The following GLI3 variants were observed in gnomAD, a reference collection of about 807,000 sequenced individuals.
GLI3 encodes the protein GLI family zinc finger 3, also known as transcription activator GLI3.
In GLI3, 20 loss-of-function variants were observed where a neutral mutation model predicts 100.8. The ratio of observed to expected loss-of-function variants is 0.20; its 90% CI spans 0.14 to 0.29. The LOEUF (loss-of-function observed/expected upper bound fraction) is 0.29, where lower values mean the gene tolerates loss of function less well. Among genes scored for constraint, GLI3 ranks in the 10% least tolerant of loss-of-function variants. The pLI, the probability that GLI3 is intolerant of heterozygous loss-of-function variation, is 1.00. For missense variants in GLI3, 2,040 were observed against 2,128.5 expected (o/e 0.96, Z 0.82); for synonymous variants, 938 against 860.5 (o/e 1.09, Z -1.58).
At chr7:42,071,956 G>A (rs1784791658) in intron 4 of GLI3, among the ~76,000 whole-genome samples, 1 of 152,060 alleles carries the variant, frequency 6.6e-6, no homozygotes, top group Non-Finnish European at 1.5e-5. Flanking sequence ...AGGCAGCCTT[G>A]GAAGGAGACA....
intron 1 of GLI3, among the ~76,000 whole-genome samples, chr7:42,236,078 G>A (rs1158827882): frequency 2.0e-5 from 3 of 152,094 alleles, no homozygotes; most frequent in African/African-American, 7.2e-5. Context: ...TGCAATGGGG[G>A]ACAGGAGCAC....
At chr7:42,153,377 G>A (rs980874351) in intron 2 of GLI3, among the ~76,000 whole-genome samples, 2 of 152,052 alleles carry the variant, frequency 1.3e-5, no homozygotes, top group East Asian at 1.9e-4. Context: ...GAACAATTGC[G>A]GGTATAAAAT....
chr7:42,227,101 A>C (rs1173055234), intron 1 of GLI3, among the ~76,000 whole-genome samples: 4 of 152,248 alleles, frequency 2.6e-5, no homozygotes, highest in Admixed American at 1.3e-4. Flanking sequence ...TTCACTTCAA[A>C]GACTTTTCCC....
At chr7:42,006,730 T>C (rs911974382) in intron 10 of GLI3, among the ~76,000 whole-genome samples, 1 of 152,104 alleles carries the variant, frequency 6.6e-6, no homozygotes, top group Non-Finnish European at 1.5e-5. Flanking sequence ...CCCAGCCAGG[T>C]AGAGCCCAAG....
chr7:42,013,133 T>G (rs548468196), intron 10 of GLI3, among the ~76,000 whole-genome samples: 4 of 152,322 alleles, frequency 2.6e-5, no homozygotes, highest in African/African-American at 9.6e-5. Context: ...AGAAAGACAT[T>G]TTCATTCCTG....
intron 6 of GLI3, among the ~76,000 whole-genome samples, chr7:42,044,925 T>TC (rs2128740925): frequency 1.3e-5 from 2 of 152,238 alleles, no homozygotes; most frequent in African/African-American, 4.8e-5. Context: ...TCTCACTCTG[T>TC]CACCCAGGCT....
upstream of GLI3, among the ~76,000 whole-genome samples, chr7:42,239,818 A>G (rs6950780): frequency 1.5e-3 from 232 of 152,350 alleles, 1 homozygote; most frequent in Non-Finnish European, 2.8e-3. Context: ...GTAAACCCAT[A>G]CATATAAGTA....
chr7:42,170,287 T>TACACAC lies in GLI3; in HGVS notation c.125-21825_125-21820dup, dbSNP rs1391940438. 8.7e-3 allele frequency among the ~76,000 whole-genome samples: 1,079 copies of TACACAC among 123,948 alleles called. 17 individuals are homozygous for TACACAC. Among genetic ancestry groups the TACACAC allele is most frequent in the African/African-American group, 0.032 (1,033 of 32,546 alleles). The allele number at this position is 123,948 out of a possible 152,430, so 81.3% of individuals were successfully genotyped here. On this transcript the variant is annotated intron_variant, in intron 2 of 14. Coordinates refer to ENST00000395925, the MANE Select transcript of GLI3 (RefSeq NM_000168.6). The stretch of plus-strand genomic sequence containing the variant: ...AAAATTATATATATATATATATATA[T>TACACAC]ACACACACATATGTATATATTTAAA...
intron 13 of GLI3, among the ~76,000 whole-genome samples, chr7:41,970,086 T>C (rs549028046): frequency 2.0e-5 from 3 of 151,482 alleles, no homozygotes; most frequent in Admixed American, 6.6e-5. Flanking sequence ...AAAGAAAAAT[T>C]AACAGAAAAA....
chr7:42,151,185 C>T (rs1000572278), intron 2 of GLI3: 9 of 152,144 alleles, frequency 5.9e-5, no homozygotes, highest in African/African-American at 1.9e-4. Context: ...AACCACACCT[C>T]CCCGCTCCAA....
At chr7:42,021,987 G>A (rs112374038) in intron 10 of GLI3, among the ~76,000 whole-genome samples, 9,486 of 152,162 alleles carry the variant, frequency 0.062, 424 homozygotes, top group Non-Finnish European at 0.096. Context: ...AAGAATAAAC[G>A]GCCATTAAGT....
intron 13 of GLI3, among the ~76,000 whole-genome samples, chr7:41,968,780 G>GAAAGAAAGAA (rs1787292144): frequency 1.4e-5 from 2 of 139,960 alleles, no homozygotes; most frequent in African/African-American, 5.2e-5. Context: ...AAGAAAGAAA[G>GAAAGAAAGAA]AAAGAAAGAA....
At chr7:42,220,220 C>T (rs979605395) in intron 2 of GLI3, among the ~76,000 whole-genome samples, 5 of 152,124 alleles carry the variant, frequency 3.3e-5, no homozygotes, top group Non-Finnish European at 7.3e-5. Flanking sequence ...AAAGAAAGCA[C>T]AAGAACCTTT....
chr7:42,162,712 G>A (rs539051438), intron 2 of GLI3, among the ~76,000 whole-genome samples: 14 of 152,216 alleles, frequency 9.2e-5, no homozygotes, highest in Non-Finnish European at 1.8e-4. Context: ...ATCTTAGTAT[G>A]GACCAGCTAG....
intron 3 of GLI3, among the ~76,000 whole-genome samples, chr7:42,107,680 T>C (rs540841454): frequency 7.1e-4 from 108 of 152,222 alleles, no homozygotes; most frequent in African/African-American, 2.0e-3. Flanking sequence ...TTCCTCCACA[T>C]TCCAGAGGAG....
At chr7:42,123,028 CA>C (rs2128772299) in intron 3 of GLI3, among the ~76,000 whole-genome samples, 1 of 152,324 alleles carries the variant, frequency 6.6e-6, no homozygotes, top group Admixed American at 6.5e-5. Flanking sequence ...ATGGTTATCA[CA>C]AGTGCTAACA....
In GLI3 at chr7:41,972,601, G is replaced by T; in HGVS notation, c.1839C>A (p.Gly613=). The T allele has an allele frequency of 6.2e-7, 1 of 1,606,692 alleles. No homozygotes were observed. The change falls in exon 13 of 15, where the codon GGC becomes GGA. Residue 613 remains glycine, a synonymous_variant. Coordinates refer to ENST00000395925, the MANE Select transcript of GLI3 (RefSeq NM_000168.6). The surrounding 1 kb of genome is among the most constrained non-coding windows in gnomAD (Gnocchi z 4.4). ...NEKPYVCKIP[G]CTKRYTDPSS... ...TTGGGTCTGTGTAACGCTTAGTGCA[G>T]CCTGGGATTTTGCACACATATGGTT...
At chr7:42,099,101 T>G (rs1309022356) in intron 3 of GLI3, among the ~76,000 whole-genome samples, 2 of 152,198 alleles carry the variant, frequency 1.3e-5, no homozygotes, top group Non-Finnish European at 2.9e-5. Context: ...GAGTGAGTTC[T>G]GCCCAGGGAC....
At chr7:42,110,091 T>A (rs768755547) in intron 3 of GLI3, among the ~76,000 whole-genome samples, 3 of 152,144 alleles carry the variant, frequency 2.0e-5, no homozygotes, top group Non-Finnish European at 4.4e-5. Flanking sequence ...CGGCCACAGA[T>A]AATGCCAAGA....
Sources: allele counts gnomAD v4.1 joint callset (sites outside exome capture counted in the v4.1 genomes callset), GRCh38; gene constraint gnomAD v4.1.1; non-coding constraint Gnocchi (gnomAD v3.1); transcripts MANE v1.5; gene names NCBI Gene and HGNC (gene_info 2026-07-23, HGNC 2026-07-21).